The following CDH12 variants were observed in gnomAD, a reference collection of about 807,000 sequenced individuals.
The protein encoded by CDH12 is cadherin 12.
A neutral mutation model predicts 74.1 loss-of-function variants in CDH12; 41 were observed. The observed-to-expected ratio is 0.55, with a 90% CI of 0.43 to 0.72. CDH12 has a LOEUF of 0.72. Among genes scored for constraint, CDH12 ranks in the 30% least tolerant of loss-of-function variants. The probability of loss-of-function intolerance (pLI) is 0.00; values close to 1 mark genes in which losing one functional copy is unlikely to be tolerated. For missense variants in CDH12, 945 were observed against 977.2 expected (o/e 0.97, Z 0.44); for synonymous variants, 399 against 355.0 (o/e 1.12, Z -1.39).
chr5:22,149,689 A>G (rs1049753592), intron 4 of CDH12, among the ~76,000 whole-genome samples: 1 of 152,022 alleles, frequency 6.6e-6, no homozygotes, highest in Non-Finnish European at 1.5e-5. Flanking sequence ...AAACAGAAAA[A>G]CTTTGACTCA....
At chr5:22,426,956 A>G (rs1417967184) in intron 2 of CDH12, among the ~76,000 whole-genome samples, 4 of 150,760 alleles carry the variant, frequency 2.7e-5, no homozygotes, top group Admixed American at 6.6e-5. Flanking sequence ...TCTCTCTCTA[A>G]CCCCTTCGTC....
chr5:21,865,998 T>G (rs1468565340), intron 6 of CDH12, among the ~76,000 whole-genome samples: 3 of 152,186 alleles, frequency 2.0e-5, no homozygotes, highest in Admixed American at 6.5e-5. Context: ...GTTCTCATGG[T>G]AGTAAATAAG....
chr5:21,750,812 A>G lies in CDH12; in HGVS notation c.*925T>C, dbSNP rs1744002163. The stretch of plus-strand genomic sequence containing the variant: ...AGAAACACAACTTGAAATTACATCT[A>G]TGACTAAAAGCTGAATCTGGTGACT... On this transcript the variant is annotated 3_prime_UTR_variant, in exon 15 of 15. Coordinates refer to ENST00000382254, the MANE Select transcript of CDH12 (RefSeq NM_004061.5). 1 of 152,154 alleles carries G rather than the reference A, an allele frequency of 6.6e-6. No individual in the cohort carries two copies. The highest frequency in any genetic ancestry group is 1.5e-5 in the Non-Finnish European group (1 of 68,004). The allele number at this position is 152,154 out of a possible 1,614,324, so 9.4% of individuals were successfully genotyped here. A position where few individuals can be genotyped will look rare whatever the true frequency, so the allele number is the denominator to read the frequency against.
At chr5:21,935,021 C>T (rs1194728834) in intron 6 of CDH12, among the ~76,000 whole-genome samples, 1 of 152,102 alleles carries the variant, frequency 6.6e-6, no homozygotes, top group Non-Finnish European at 1.5e-5. Context: ...CTCCTGACTT[C>T]GTGATCCGCC....
rs187868081 is a variant in CDH12 at position 22,215,338 on chromosome 5, T to C, written c.-332-2695A>G. Among the ~76,000 whole-genome samples, 639 of 152,236 alleles carry C rather than the reference T, an allele frequency of 4.2e-3. 6 individuals are homozygous for C. Among genetic ancestry groups the C allele is most frequent in the African/African-American group, 0.015 (618 of 41,558 alleles). On this transcript the variant is annotated intron_variant, in intron 3 of 14. Coordinates refer to ENST00000382254, the MANE Select transcript of CDH12 (RefSeq NM_004061.5). ...TGGGAACATTTTCTAGATTTTATGA[T>C]TAACAAAAATCATTTTCACATCTTT... is the stretch of plus-strand genomic sequence containing the variant.
At chr5:22,336,029 T>C (rs1739566629) in intron 3 of CDH12, among the ~76,000 whole-genome samples, 1 of 151,966 alleles carries the variant, frequency 6.6e-6, no homozygotes, top group Non-Finnish European at 1.5e-5. Flanking sequence ...CAAGCTGAGG[T>C]GGTTGCAGAT....
At chr5:22,666,171 T>C (rs1740602806) in intron 1 of CDH12, among the ~76,000 whole-genome samples, 1 of 152,122 alleles carries the variant, frequency 6.6e-6, no homozygotes, top group Non-Finnish European at 1.5e-5. Context: ...AATCTCACAC[T>C]TGAGACTAAT....
intron 2 of CDH12, among the ~76,000 whole-genome samples, chr5:22,432,582 A>C (rs1744218922): frequency 6.7e-6 from 1 of 150,084 alleles, no homozygotes; most frequent in African/African-American, 2.5e-5. Context: ...TGTGTGTATA[A>C]AATCTTCTAT....
In CDH12 at chr5:21,766,333, C is replaced by T. The variant is rs78022625; in HGVS notation, c.1394-1234G>A. Among the ~76,000 whole-genome samples, 810 of 151,982 alleles carry T rather than the reference C, an allele frequency of 5.3e-3. 6 individuals carry two copies. Among genetic ancestry groups the T allele is most frequent in the African/African-American group, 0.018 (753 of 41,518 alleles). On this transcript the variant is annotated intron_variant, in intron 11 of 14. Coordinates refer to ENST00000382254, the MANE Select transcript of CDH12 (RefSeq NM_004061.5). ...ATAAATTGCGTATAAATAGTATGTT[C>T]TTATAATACCAGGCGTGCTTATAAA...
At chr5:22,708,037 A>C (rs1194230780) in intron 1 of CDH12, among the ~76,000 whole-genome samples, 2 of 152,196 alleles carry the variant, frequency 1.3e-5, no homozygotes, top group Non-Finnish European at 2.9e-5. Flanking sequence ...AAATATATTG[A>C]GGTGGCAGTG....
intron 1 of CDH12, among the ~76,000 whole-genome samples, chr5:22,567,596 A>T (rs556345100): frequency 6.6e-6 from 1 of 152,032 alleles, no homozygotes; most frequent in African/African-American, 2.4e-5. Context: ...AAAGACAATA[A>T]TTTTTTTCTG....
intron 2 of CDH12, among the ~76,000 whole-genome samples, chr5:22,428,195 GTATA>G (rs551312354): frequency 5.6e-3 from 364 of 65,328 alleles, no homozygotes; most frequent in African/African-American, 0.021. Context: ...ACACACATAT[GTATA>G]TATATATACA....
At chr5:22,093,652 G>C (rs1275046349) in intron 4 of CDH12, among the ~76,000 whole-genome samples, 1 of 152,130 alleles carries the variant, frequency 6.6e-6, no homozygotes, top group Admixed American at 6.6e-5. Flanking sequence ...CGGGTTTGGG[G>C]TTCCTTCTTG....
chr5:21,944,431 C>T (rs1248832758), intron 6 of CDH12, among the ~76,000 whole-genome samples: 13 of 152,022 alleles, frequency 8.6e-5, no homozygotes, highest in African/African-American at 2.9e-4. Context: ...TTCACTCAGT[C>T]GTGTAGGACA....
intron 6 of CDH12, among the ~76,000 whole-genome samples, chr5:21,958,553 C>G (rs1177997895): frequency 1.3e-5 from 2 of 152,154 alleles, no homozygotes; most frequent in Admixed American, 1.3e-4. Flanking sequence ...AAAAGACAGT[C>G]TTTTCCCCAT....
intron 4 of CDH12, among the ~76,000 whole-genome samples, chr5:22,083,164 C>T (rs931551618): frequency 6.6e-6 from 1 of 152,132 alleles, no homozygotes; most frequent in African/African-American, 2.4e-5. Flanking sequence ...TTAGCAGAAG[C>T]ACTTGTAATT....
intron 1 of CDH12, among the ~76,000 whole-genome samples, chr5:22,675,991 C>T (rs528978113): frequency 6.7e-6 from 1 of 150,266 alleles, no homozygotes; most frequent in South Asian, 2.1e-4. Flanking sequence ...TTAAGGAACA[C>T]AGAAAGCAGT....
At chr5:22,107,261 A>G (rs1220779726) in intron 4 of CDH12, among the ~76,000 whole-genome samples, 1 of 150,466 alleles carries the variant, frequency 6.6e-6, no homozygotes, top group Non-Finnish European at 1.5e-5. Context: ...GCCTCTGGAG[A>G]GCTGGGATTA....
chr5:21,898,302 C>T (rs1365994269), intron 6 of CDH12, among the ~76,000 whole-genome samples: 3 of 152,102 alleles, frequency 2.0e-5, no homozygotes, highest in Non-Finnish European at 2.9e-5. Context: ...TATGTCATAG[C>T]ATCCTCAAAC....
Sources: allele counts gnomAD v4.1 joint callset (sites outside exome capture counted in the v4.1 genomes callset), GRCh38; gene constraint gnomAD v4.1.1; transcripts MANE v1.5; gene names NCBI Gene and HGNC (gene_info 2026-07-23, HGNC 2026-07-21).